Variants in PKHD1 observed in about 807,000 individuals in gnomAD.
The protein encoded by PKHD1 is PKHD1 ciliary IPT domain containing fibrocystin/polyductin.
In PKHD1, 291 loss-of-function variants were observed where a neutral mutation model predicts 412.0. The observed-to-expected ratio is 0.71, with a 90% CI of 0.64 to 0.78. The LOEUF (loss-of-function observed/expected upper bound fraction) is 0.78. Among genes scored for constraint, PKHD1 ranks in the 30% least tolerant of loss-of-function variants. The probability of loss-of-function intolerance (pLI) is 0.00; values close to 1 mark genes in which losing one functional copy is unlikely to be tolerated. For synonymous variants in PKHD1, 1,777 were observed against 1,821.5 expected, an observed-to-expected ratio of 0.98 and a Z score of 0.62; for missense variants, 4,825 against 4,950.7, an observed-to-expected ratio of 0.97 and a Z score of 0.76.
At chr6:52,061,316 G>A (rs1896977) in intron 14 of PKHD1, among the ~76,000 whole-genome samples, 62,524 of 151,850 alleles carry the variant, frequency 0.41, 14,953 homozygotes, top group Admixed American at 0.57. Flanking sequence ...AGCCTCTCAA[G>A]TAGCTACAGG....
At chr6:52,027,963 G>C (rs987245444) in intron 30 of PKHD1, 67 bp from the exon 31 acceptor site, 3 of 1,307,360 alleles carry the variant, frequency 2.3e-6, no homozygotes. Context: ...TAAGCCAGAA[G>C]AGCCATATGT....
At chr6:51,705,443 A>C (rs902266803) in intron 60 of PKHD1, among the ~76,000 whole-genome samples, 4 of 152,114 alleles carry the variant, frequency 2.6e-5, no homozygotes. Flanking sequence ...AAGAAATTTG[A>C]CTATGAAGCA....
In PKHD1 at chr6:52,085,009, G is replaced by T; in HGVS notation, c.-76C>A. 1.0e-6 allele frequency: 1 copy of T among 960,328 alleles called. No homozygotes were observed. Among genetic ancestry groups the T allele is most frequent in the Non-Finnish European group, 1.7e-6 (1 of 590,196 alleles). 59.5% of individuals were successfully genotyped at this position (960,328 alleles called of 1,614,324 possible). The stretch of plus-strand genomic sequence containing the variant: ...TTTCAGTTTTGATTGGAGCAGCATA[G>T]CTTTTGTGCTTTATAAAAACAAAAA... On this transcript the variant is annotated 5_prime_UTR_variant, in exon 2 of 67. Coordinates refer to ENST00000371117, the MANE Select transcript of PKHD1 (RefSeq NM_138694.4).
intron 53 of PKHD1, among the ~76,000 whole-genome samples, chr6:51,788,780 T>C (rs570374693): frequency 9.3e-5 from 14 of 151,036 alleles, no homozygotes; most frequent in Non-Finnish European, 1.3e-4. Context: ...CTAATGCATA[T>C]GACATATATT....
At chr6:51,789,514 G>A (rs1793402333) in intron 53 of PKHD1, among the ~76,000 whole-genome samples, 1 of 151,678 alleles carries the variant, frequency 6.6e-6, no homozygotes, top group Non-Finnish European at 1.5e-5. Context: ...GTTTATACAG[G>A]ATCAAAAAAA....
At chr6:52,038,205 C>T (rs972846269) in intron 27 of PKHD1, among the ~76,000 whole-genome samples, 7 of 151,948 alleles carry the variant, frequency 4.6e-5, no homozygotes, top group Non-Finnish European at 1.0e-4. Flanking sequence ...CATGGTGAAA[C>T]CCTGTCTCTA....
intron 34 of PKHD1, among the ~76,000 whole-genome samples, chr6:52,014,908 G>A (rs1162397479): frequency 6.6e-6 from 1 of 152,168 alleles, no homozygotes; most frequent in African/African-American, 2.4e-5. Flanking sequence ...TAGATGTTGT[G>A]GATGGCAGGG....
At position 51,912,485 on chromosome 6, in the gene PKHD1, G is replaced by A; in HGVS notation, c.6213C>T (p.Asn2071=). ...VLALEDAVDW[N]PGDEVVIISG... is the part of the protein sequence containing the mutation. ...TGATGATGACAACTTCATCCCCAGG[G>A]TTCCAGTCCACAGCATCTTCTAAAG... is the stretch of plus-strand genomic sequence containing the variant. The change falls in exon 38 of 67, where the codon AAC becomes AAT. Residue 2071 remains asparagine, a synonymous_variant. Coordinates refer to ENST00000371117, the MANE Select transcript of PKHD1 (RefSeq NM_138694.4). 2.5e-6 allele frequency: 4 copies of A among 1,613,018 alleles called. No homozygotes were observed. Among genetic ancestry groups the A allele is most frequent in the Middle Eastern group, 1.7e-4 (1 of 6,054 alleles).
rs1217153511 is a variant in PKHD1, at chr6:52,027,866, T to C, written c.3591A>G (p.Glu1197=). 3.7e-6 allele frequency: 6 copies of C among 1,613,678 alleles called. No individual in the cohort carries two copies. In the East Asian group the frequency reaches 1.3e-4, roughly 36 times the overall value. ...CACAGCAAGGCTCGATGCTGAAAAC[T>C]TCTGTGAGGTACTGGATGTGGAGAT... ...GVDLHIQYLT[E]VFSIEPCCGS... The change falls in exon 31 of 67, where the codon GAA becomes GAG. Residue 1197 remains glutamate, a synonymous_variant. Transcript: ENST00000371117.
chr6:52,085,406 C>A (rs1281821526), intron 1 of PKHD1, among the ~76,000 whole-genome samples: 1 of 152,154 alleles, frequency 6.6e-6, no homozygotes, highest in Non-Finnish European at 1.5e-5. Context: ...TTGAACCCTA[C>A]ACTGCAGCCA....
chr6:51,883,706 C>G lies in PKHD1; in HGVS notation c.7216-479G>C, dbSNP rs114658899. The stretch of plus-strand genomic sequence containing the variant: ...ATGTACATATATGTTTATGATAACC[C>G]AAACAGGGGTCATATAATAACAAAA... On this transcript the variant is annotated intron_variant, in intron 45 of 66. Transcript: ENST00000371117. 9.1e-3 allele frequency among the ~76,000 whole-genome samples: 1,382 copies of G among 152,258 alleles called. 8 individuals carry two copies. The highest frequency in any genetic ancestry group is 0.016 in the Non-Finnish European group (1,097 of 68,018).
intron 61 of PKHD1, among the ~76,000 whole-genome samples, chr6:51,658,505 T>A (rs1772255682): frequency 6.6e-6 from 1 of 152,132 alleles, no homozygotes; most frequent in African/African-American, 2.4e-5. Flanking sequence ...ATAGAAGTAG[T>A]CACTACCCAT....
intron 35 of PKHD1, among the ~76,000 whole-genome samples, chr6:51,960,531 A>T (rs888947407): frequency 3.9e-5 from 6 of 152,138 alleles, no homozygotes; most frequent in Non-Finnish European, 2.9e-5. Context: ...ATCATTTTTC[A>T]CTGGCTCTAC....
chr6:51,924,352 G>T (rs950658355), intron 37 of PKHD1, among the ~76,000 whole-genome samples: 2 of 152,180 alleles, frequency 1.3e-5, no homozygotes, highest in Non-Finnish European at 2.9e-5. Context: ...ACTGAAGCAT[G>T]AGGGTGGCCA....
intron 65 of PKHD1, among the ~76,000 whole-genome samples, chr6:51,628,508 T>C (rs1392335383): frequency 6.6e-6 from 1 of 152,216 alleles, no homozygotes; most frequent in Admixed American, 6.5e-5. Flanking sequence ...TCCATGTCTT[T>C]GCTATTGTGA....
chr6:51,851,529 G>A (rs1463900026), intron 49 of PKHD1, among the ~76,000 whole-genome samples: 1 of 152,006 alleles, frequency 6.6e-6, no homozygotes, highest in Admixed American at 6.6e-5. Context: ...TCTAGTCCTG[G>A]GCTTTTTTTG....
intron 52 of PKHD1, among the ~76,000 whole-genome samples, chr6:51,807,462 T>A (rs1427266713): frequency 0.016 from 1,026 of 64,008 alleles, 26 homozygotes; most frequent in Middle Eastern, 0.026. Flanking sequence ...AAAAAAAATA[T>A]ATATATATAT....
At chr6:51,807,485 A>ATGTGTGTGTGTGTGTGTGTG (rs567506746) in intron 52 of PKHD1, among the ~76,000 whole-genome samples, 1 of 111,794 alleles carries the variant, frequency 8.9e-6, no homozygotes, top group Non-Finnish European at 1.7e-5. Flanking sequence ...ATATATGTAT[A>ATGTGTGTGTGTGTGTGTGTG]TGTGTGTGTG....
chr6:51,971,421 C>T (rs932402931), intron 35 of PKHD1, among the ~76,000 whole-genome samples: 4 of 152,146 alleles, frequency 2.6e-5, no homozygotes, highest in African/African-American at 7.2e-5. Context: ...ACAGGTTATT[C>T]GCTCACTGCA....
Sources: allele counts gnomAD v4.1 joint callset (sites outside exome capture counted in the v4.1 genomes callset), GRCh38; gene constraint gnomAD v4.1.1; transcripts MANE v1.5; gene names NCBI Gene and HGNC (gene_info 2026-07-23, HGNC 2026-07-21).